CNGA1: variants seen among roughly 807,000 people sequenced by gnomAD.
CNGA1 encodes the protein cyclic nucleotide gated channel subunit alpha 1.
A neutral mutation model predicts 69.7 loss-of-function variants in CNGA1; 53 were observed. The observed-to-expected ratio is 0.76, with a 90% CI of 0.61 to 0.96. CNGA1 has a LOEUF of 0.96. Among genes scored for constraint, CNGA1 ranks in the 40% least tolerant of loss-of-function variants. CNGA1 has a pLI of 0.00. For synonymous variants in CNGA1, 249 were observed against 283.5 expected (o/e 0.88, Z 1.22); for missense variants, 739 against 811.2 (o/e 0.91, Z 1.08).
intron 6 of CNGA1, among the ~76,000 whole-genome samples, chr4:47,946,210 A>G (rs1294195750): frequency 6.6e-6 from 1 of 151,946 alleles, no homozygotes; most frequent in Non-Finnish European, 1.5e-5. Flanking sequence ...ATAATTCATC[A>G]TCAGACCCCT....
chr4:48,011,299 G>GAA (rs35123937), intron 1 of CNGA1, among the ~76,000 whole-genome samples: 1 of 135,964 alleles, frequency 7.4e-6, no homozygotes, highest in South Asian at 2.3e-4. Context: ...CAACTAAGAA[G>GAA]AAAAAAAATT....
In CNGA1 at chr4:47,936,849, T is replaced by C. The variant is rs752905054; in HGVS notation, c.1633A>G (p.Ile545Val). The change falls in exon 11 of 11, where the codon ATT (isoleucine) becomes GTT (valine). Residue 545 changes from isoleucine (I) to valine (V), a missense_variant. Physicochemically the swap from Ile to Val is conservative, Grantham distance 29 (BLOSUM62 3). Coordinates refer to ENST00000514170, the MANE Select transcript of CNGA1 (RefSeq NM_001379270.1). Reference protein sequence around the residue: ...SDGSYFGEISILNIKGSKAGN... With the variant: ...SDGSYFGEISVLNIKGSKAGN... ...GCTTTGCTCCCTTTAATGTTAAGAA[T>C]GCTGATCTCACCGAAGTAGCTGCCA... The C allele has an allele frequency of 6.2e-7, 1 of 1,614,024 alleles. No individual in the cohort carries two copies. The highest frequency in any genetic ancestry group is 1.7e-5 in the Admixed American group (1 of 60,006).
intron 4 of CNGA1, among the ~76,000 whole-genome samples, chr4:47,952,129 G>A (rs927631314): frequency 1.1e-4 from 16 of 152,186 alleles, no homozygotes; most frequent in East Asian, 3.9e-4. Flanking sequence ...TTGGGAGGCC[G>A]AGGCAGGCAG....
chr4:47,951,331 A>C (rs778845764), intron 5 of CNGA1, 22 bp downstream of exon 5: 63 of 1,463,468 alleles, frequency 4.3e-5, no homozygotes, highest in Non-Finnish European at 5.8e-5. Flanking sequence ...ACAAGCACCA[A>C]GGGATGGATC....
chr4:48,008,912 G>A (rs999921030), intron 2 of CNGA1, among the ~76,000 whole-genome samples: 1 of 152,128 alleles, frequency 6.6e-6, no homozygotes, highest in Non-Finnish European at 1.5e-5. Context: ...CAGAAGTTAT[G>A]GTAATTTTAC....
chr4:48,009,230 G>C (rs574079632), intron 2 of CNGA1, among the ~76,000 whole-genome samples: 20 of 152,222 alleles, frequency 1.3e-4, no homozygotes, highest in Admixed American at 7.2e-4. Flanking sequence ...ACTTTGGGAG[G>C]CCTAGGTGGG....
chr4:48,002,647 T>C (rs1487879517), intron 2 of CNGA1, among the ~76,000 whole-genome samples: 1 of 144,640 alleles, frequency 6.9e-6, no homozygotes, highest in Non-Finnish European at 1.5e-5. Context: ...GGAGCTGGGT[T>C]GGCTGGTCCA....
intron 2 of CNGA1, among the ~76,000 whole-genome samples, chr4:48,006,258 T>C (rs978487691): frequency 6.6e-6 from 1 of 152,134 alleles, no homozygotes; most frequent in Non-Finnish European, 1.5e-5. Flanking sequence ...AAAACTACCT[T>C]CTAAAGAGAA....
chr4:47,943,808 G>GA (rs1314743766), intron 6 of CNGA1, among the ~76,000 whole-genome samples: 3 of 152,308 alleles, frequency 2.0e-5, no homozygotes, highest in African/African-American at 7.2e-5. Flanking sequence ...AGAATTTTAA[G>GA]AAAATGCCAT....
At position 47,936,083 on chromosome 4, in the gene CNGA1, T is replaced by C. The variant is rs1241035161; in HGVS notation, c.*338A>G. 9.1e-6 allele frequency: 3 copies of C among 328,280 alleles called. No homozygotes were observed. Among genetic ancestry groups the C allele is most frequent in the African/African-American group, 4.3e-5 (2 of 46,892 alleles). The allele number at this position is 328,280 out of a possible 1,614,324, so 20.3% of individuals were successfully genotyped here. On this transcript the variant is annotated 3_prime_UTR_variant, in exon 11 of 11. Transcript: ENST00000514170. ...ACTTCAAATACGCTTCACTCAACAA[T>C]GGAAATGGCATGAAAGTGAGGGCTA...
chr4:47,962,714 T>G (rs982329921), intron 3 of CNGA1, among the ~76,000 whole-genome samples: 2 of 152,198 alleles, frequency 1.3e-5, no homozygotes, highest in African/African-American at 4.8e-5. Context: ...CTCGTTACAC[T>G]GATTTCTAAT....
At chr4:47,969,452 T>C (rs970657324) in intron 3 of CNGA1, among the ~76,000 whole-genome samples, 1 of 152,062 alleles carries the variant, frequency 6.6e-6, no homozygotes, top group African/African-American at 2.4e-5. Context: ...CTCAGTTTTT[T>C]GTTTGTTTTT....
chr4:48,001,287 G>A (rs1714654968), intron 2 of CNGA1, among the ~76,000 whole-genome samples: 1 of 152,128 alleles, frequency 6.6e-6, no homozygotes, highest in African/African-American at 2.4e-5. Context: ...TCACCAACAT[G>A]TTGAAACCCC....
chr4:47,993,824 A>C (rs1399627760), intron 2 of CNGA1, among the ~76,000 whole-genome samples: 1 of 151,828 alleles, frequency 6.6e-6, no homozygotes, highest in African/African-American at 2.4e-5. Context: ...TGGGGCTTTG[A>C]ATTTCCTGTT....
At chr4:47,958,208 A>G (rs1399891766) in intron 3 of CNGA1, among the ~76,000 whole-genome samples, 1 of 151,902 alleles carries the variant, frequency 6.6e-6, no homozygotes, top group Non-Finnish European at 1.5e-5. Flanking sequence ...TTTTATATAC[A>G]CCTCTGTTTA....
chr4:47,943,276 A>G lies in CNGA1; in HGVS notation c.342T>C (p.Asp114=). The change falls in exon 8 of 11, where the codon GAT becomes GAC. Residue 114 remains aspartate, a synonymous_variant. Transcript: ENST00000514170. ...CTGGGTCGTTTTTATTTTCGTTTTT[A>G]TCATCTGACTTGCTGAAAAAATTAA... ...KKKEKKSKSD[D]KNENKNDPEK... is the part of the protein sequence containing the mutation. 1 of 1,454,802 alleles carries G rather than the reference A, an allele frequency of 6.9e-7. No individual in the cohort carries two copies. The highest frequency in any genetic ancestry group is 9.2e-7 in the Non-Finnish European group (1 of 1,083,356). 90.1% of individuals were successfully genotyped at this position (1,454,802 alleles called of 1,614,324 possible). A position where few individuals can be genotyped will look rare whatever the true frequency, so the allele number is the denominator to read the frequency against.
At chr4:47,969,981 A>G (rs1467657414) in intron 3 of CNGA1, among the ~76,000 whole-genome samples, 3 of 152,242 alleles carry the variant, frequency 2.0e-5, no homozygotes, top group Non-Finnish European at 4.4e-5. Context: ...AAGGATATGT[A>G]ATAGATAAGT....
chr4:48,002,763 T>C (rs949725011), intron 2 of CNGA1, among the ~76,000 whole-genome samples: 1 of 151,820 alleles, frequency 6.6e-6, no homozygotes, highest in Non-Finnish European at 1.5e-5. Context: ...AATATTGATG[T>C]TATTTGCAGG....
chr4:47,981,723 G>A (rs1034737298), intron 2 of CNGA1, among the ~76,000 whole-genome samples: 9 of 152,116 alleles, frequency 5.9e-5, no homozygotes, highest in Admixed American at 4.6e-4. Context: ...ATGAATGAGA[G>A]TTAGAAATAA....
Sources: allele counts gnomAD v4.1 joint callset (sites outside exome capture counted in the v4.1 genomes callset), GRCh38; gene constraint gnomAD v4.1.1; transcripts MANE v1.5; gene names NCBI Gene and HGNC (gene_info 2026-07-23, HGNC 2026-07-21).